The following SLC5A4 variants were observed in gnomAD, a reference collection of about 807,000 sequenced individuals.
SLC5A4 encodes solute carrier family 5 member 4.
Under a neutral mutation model 70.3 loss-of-function variants are expected in SLC5A4, and 55 were observed. That is an observed-to-expected ratio of 0.78 (90% CI 0.63 to 0.98). SLC5A4 has a LOEUF of 0.98. Among genes scored for constraint, SLC5A4 ranks in the 50% least tolerant of loss-of-function variants. The pLI, the probability that SLC5A4 is intolerant of heterozygous loss-of-function variation, is 0.00. For synonymous variants in SLC5A4, 268 were observed against 305.7 expected (o/e 0.88, Z 1.29); for missense variants, 735 against 839.2 (o/e 0.88, Z 1.53).
the SLC5A4 span, among the ~76,000 whole-genome samples, chr22:32,287,546 G>T: frequency 6.6e-6 from 1 of 152,022 alleles, no homozygotes; most frequent in Non-Finnish European, 1.5e-5. Flanking sequence ...GTCTCTTCTA[G>T]TTTATAACTC....
At chr22:32,338,081 C>T in the SLC5A4 span, among the ~76,000 whole-genome samples, 4 of 152,130 alleles carry the variant, frequency 2.6e-5, no homozygotes, top group African/African-American at 9.7e-5. Flanking sequence ...AGGAAAAATA[C>T]AACTCTTAAA....
the SLC5A4 span, among the ~76,000 whole-genome samples, chr22:32,337,677 TAAC>T: frequency 1.3e-5 from 2 of 152,238 alleles, no homozygotes; most frequent in Non-Finnish European, 2.9e-5. Context: ...GGTCAACATT[TAAC>T]AACCTGTTCT....
At chr22:32,286,461 T>C in the SLC5A4 span, among the ~76,000 whole-genome samples, 16 of 152,208 alleles carry the variant, frequency 1.1e-4, no homozygotes, top group Non-Finnish European at 1.8e-4. Flanking sequence ...TGCATCACTT[T>C]ATGGAGGAAA....
At chr22:32,241,830 T>C (rs1448148954) in intron 5 of SLC5A4, among the ~76,000 whole-genome samples, 1 of 134,728 alleles carries the variant, frequency 7.4e-6, no homozygotes, top group Non-Finnish European at 1.6e-5. Flanking sequence ...TGTGTGTGTA[T>C]ATATATATCT....
intron 1 of SLC5A4, 45 bp downstream of exon 1, chr22:32,255,150 C>A (rs1927404103): frequency 1.3e-6 from 2 of 1,595,616 alleles, no homozygotes; most frequent in African/African-American, 2.7e-5. Flanking sequence ...GATACCCCCT[C>A]CTAAACCTTG....
chr22:32,305,537 T>C, the SLC5A4 span, among the ~76,000 whole-genome samples: 1 of 148,854 alleles, frequency 6.7e-6, no homozygotes, highest in South Asian at 2.2e-4. Context: ...TCATCAGATT[T>C]CAGGTGTTGA....
At chr22:32,298,830 G>A in the SLC5A4 span, among the ~76,000 whole-genome samples, 1 of 114,284 alleles carries the variant, frequency 8.8e-6, no homozygotes, top group African/African-American at 3.4e-5. Flanking sequence ...TCCTTCAGGA[G>A]CTCTTGTAAG....
the SLC5A4 span, chr22:32,268,483 C>A: frequency 7.2e-5 from 11 of 152,176 alleles, no homozygotes; most frequent in East Asian, 2.1e-3. Context: ...TGACATCAGG[C>A]CCGATTTCCA....
the SLC5A4 span, among the ~76,000 whole-genome samples, chr22:32,304,880 A>C: frequency 6.8e-6 from 1 of 147,084 alleles, no homozygotes; most frequent in Non-Finnish European, 1.5e-5. Context: ...TAGGTCTATG[A>C]TCCATTTTGA....
At chr22:32,282,865 T>G in the SLC5A4 span, among the ~76,000 whole-genome samples, 2 of 152,192 alleles carry the variant, frequency 1.3e-5, no homozygotes, top group African/African-American at 2.4e-5. Flanking sequence ...CCCCAGCGCA[T>G]CCGGGATCTG....
At chr22:32,225,599 A>G in intron 12 of SLC5A4, 56 bp downstream of exon 12, 1 of 1,191,752 alleles carries the variant, frequency 8.4e-7, no homozygotes, top group Non-Finnish European at 1.2e-6. Flanking sequence ...CCCCAGTGAA[A>G]TAAACGATTT....
At chr22:32,246,970 T>C (rs1926867357) in intron 5 of SLC5A4, among the ~76,000 whole-genome samples, 1 of 152,238 alleles carries the variant, frequency 6.6e-6, no homozygotes, top group African/African-American at 2.4e-5. Context: ...AGTACTTTCC[T>C]TGTGGTTCAC....
At chr22:32,269,844 A>C in the SLC5A4 span, 3 of 634,810 alleles carry the variant, frequency 4.7e-6, no homozygotes, top group South Asian at 4.2e-5. The surrounding 1 kb of genome is among the most constrained non-coding windows in gnomAD (Gnocchi z 4.1). Context: ...TCAGATCTAC[A>C]TGCTGACCCT....
the SLC5A4 span, among the ~76,000 whole-genome samples, chr22:32,312,363 G>GCA: frequency 1.8e-4 from 15 of 84,546 alleles, no homozygotes; most frequent in African/African-American, 5.9e-4. Context: ...ACACGCGCGC[G>GCA]CGCACACACA....
the SLC5A4 span, among the ~76,000 whole-genome samples, chr22:32,325,094 T>C: frequency 6.6e-6 from 1 of 152,204 alleles, no homozygotes; most frequent in African/African-American, 2.4e-5. Flanking sequence ...TCATTGCCAG[T>C]CCCGTAGACC....
intron 13 of SLC5A4, among the ~76,000 whole-genome samples, chr22:32,221,343 T>A (rs1191800990): frequency 2.0e-5 from 3 of 152,358 alleles, no homozygotes. Flanking sequence ...TCACTCATTG[T>A]CCTTAACATC....
chr22:32,284,834 G>A, the SLC5A4 span: 1 of 152,146 alleles, frequency 6.6e-6, no homozygotes, highest in Non-Finnish European at 1.5e-5. Flanking sequence ...TTGATCATGT[G>A]GCCATGAAAT....
the SLC5A4 span, among the ~76,000 whole-genome samples, chr22:32,322,427 AT>A: frequency 6.6e-6 from 1 of 152,104 alleles, no homozygotes; most frequent in Admixed American, 6.5e-5. Context: ...TCTACTAAAA[AT>A]ACAAAAATTA....
At chr22:32,256,845 A>G (rs934295622), upstream of SLC5A4, among the ~76,000 whole-genome samples, 1 of 152,152 alleles carries the variant, frequency 6.6e-6, no homozygotes, top group Non-Finnish European at 1.5e-5. Flanking sequence ...TTCTTTCTAT[A>G]CTTGGCTATT....
Sources: allele counts gnomAD v4.1 joint callset (sites outside exome capture counted in the v4.1 genomes callset), GRCh38; gene constraint gnomAD v4.1.1; non-coding constraint Gnocchi (gnomAD v3.1); transcripts MANE v1.5; gene names NCBI Gene and HGNC (gene_info 2026-07-23, HGNC 2026-07-21).